The following CCDC18 variants were observed in gnomAD, a reference collection of about 807,000 sequenced individuals.
CCDC18 encodes coiled-coil domain-containing protein 18.
In CCDC18, 157 loss-of-function variants were observed where a neutral mutation model predicts 196.0. The observed-to-expected ratio is 0.80, with a 90% CI of 0.70 to 0.91. The LOEUF is 0.91. CCDC18 is among the 40% of genes least tolerant of loss of function. The probability of loss-of-function intolerance (pLI) is 0.00; values close to 1 mark genes in which losing one functional copy is unlikely to be tolerated. For missense variants in CCDC18, 1,465 were observed against 1,611.6 expected (o/e 0.91, Z 1.56); for synonymous variants, 482 against 529.2 (o/e 0.91, Z 1.22).
At chr1:93,271,083 T>TA in intron 28 of CCDC18, 4 of 983,040 alleles carry the variant, frequency 4.1e-6, no homozygotes, top group Non-Finnish European at 4.8e-6. Context: ...TGCTTAAAAA[T>TA]AAAAAAATTA....
intron 9 of CCDC18, among the ~76,000 whole-genome samples, chr1:93,207,975 G>A (rs1654975973): frequency 6.6e-6 from 1 of 150,958 alleles, no homozygotes. Context: ...TTGCTAAATA[G>A]TATTTCATTA....
rs534578701 is a variant in CCDC18, at chr1:93,261,945, G to A, written c.3685-2756G>A. ...TTAACTCACAGTTTCACATGGCTGG[G>A]GACACCTCGGGAAACTTACAATCAT... On this transcript the variant is annotated intron_variant, in intron 26 of 28. Transcript: ENST00000690025. Among the ~76,000 whole-genome samples the A allele has an allele frequency of 3.9e-5, 6 of 152,144 alleles. No individual in the cohort carries two copies. In the East Asian group the frequency reaches 1.2e-3, roughly 29 times the overall value.
intron 1 of CCDC18, 124 bp from the exon 2 acceptor site, chr1:93,183,236 C>A: frequency 1.5e-6 from 1 of 651,098 alleles, no homozygotes; most frequent in Non-Finnish European, 2.4e-6. Context: ...TTTTAAACCA[C>A]CATGAAAGAT....
intron 28 of CCDC18, chr1:93,271,575 C>G (rs1040390249): frequency 2.1e-6 from 2 of 972,262 alleles, no homozygotes; most frequent in Non-Finnish European, 2.4e-6. Context: ...TGGCACATGC[C>G]TGCAATCCCA....
chr1:93,252,523 T>A (rs1296865648), intron 23 of CCDC18, among the ~76,000 whole-genome samples: 1 of 151,848 alleles, frequency 6.6e-6, no homozygotes, highest in African/African-American at 2.4e-5. Context: ...TCTCAATTGA[T>A]TCCCTGCGTC....
intron 1 of CCDC18, among the ~76,000 whole-genome samples, chr1:93,181,863 C>T (rs1045075511): frequency 2.0e-4 from 31 of 152,204 alleles, no homozygotes; most frequent in African/African-American, 7.2e-4. Flanking sequence ...GATCCACCCG[C>T]CTTGACCTCC....
chr1:93,206,235 A>G (rs1274373715), intron 8 of CCDC18, among the ~76,000 whole-genome samples: 2 of 152,266 alleles, frequency 1.3e-5, no homozygotes, highest in Admixed American at 1.3e-4. Context: ...TAATTTTGCC[A>G]TACTTTCCTT....
chr1:93,231,115 C>T (rs1659176474), intron 17 of CCDC18, among the ~76,000 whole-genome samples: 1 of 151,994 alleles, frequency 6.6e-6, no homozygotes, highest in African/African-American at 2.4e-5. Context: ...AATATTTGGC[C>T]CTGAAGGCCT....
chr1:93,265,149 A>G (rs1184064544), intron 27 of CCDC18, among the ~76,000 whole-genome samples: 3 of 152,208 alleles, frequency 2.0e-5, no homozygotes, highest in Non-Finnish European at 4.4e-5. Context: ...AGAGGGTTTT[A>G]TACTTGATGT....
intron 14 of CCDC18, among the ~76,000 whole-genome samples, chr1:93,220,509 A>G (rs1657239835): frequency 6.6e-6 from 1 of 152,244 alleles, no homozygotes. Context: ...GGCAGTTGAA[A>G]GAAGAAATTA....
chr1:93,197,812 C>T (rs1178348885), intron 6 of CCDC18, among the ~76,000 whole-genome samples: 3 of 134,664 alleles, frequency 2.2e-5, no homozygotes, highest in East Asian at 2.2e-4. Context: ...AGTGCAGTGG[C>T]GCGATCTCGG....
intron 14 of CCDC18, among the ~76,000 whole-genome samples, chr1:93,221,138 AT>A (rs781133137): frequency 2.6e-5 from 4 of 152,208 alleles, no homozygotes; most frequent in Non-Finnish European, 5.9e-5. Flanking sequence ...TCCTTTGGGT[AT>A]ATACCCAGTA....
chr1:93,238,407 GT>G (rs1557673167), intron 19 of CCDC18, among the ~76,000 whole-genome samples: 1 of 152,058 alleles, frequency 6.6e-6, no homozygotes, highest in African/African-American at 2.4e-5. Flanking sequence ...TTTGCATACT[GT>G]TTCAGGGGTT....
Position 93,207,309 on chromosome 1 carries a change from C to A in CCDC18, c.1120C>A (p.Gln374Lys). 6.2e-7 allele frequency: 1 copy of A among 1,613,178 alleles called. No individual in the cohort carries two copies. The highest frequency in any genetic ancestry group is 2.2e-5 in the East Asian group (1 of 44,812). Residue 374 changes from glutamine (Q) to lysine (K), a missense_variant, in exon 9 of 29, where the codon CAG becomes AAG. Transcript: ENST00000690025. ...NRELKVRVAA[Q>K]NERLDLCQQE... The stretch of plus-strand genomic sequence containing the variant: ...AGAATTAAAGGTCCGTGTTGCAGCA[C>A]AGAATGAGCGACTAGATTTATGTCA...
chr1:93,236,475 C>T lies in CCDC18; in HGVS notation c.2603+85C>T, dbSNP rs1660086192. On this transcript the variant is annotated intron_variant, in intron 19 of 28. Coordinates refer to ENST00000690025, the MANE Select transcript of CCDC18 (RefSeq NM_001378204.1). ...TGAAATCAGATAATGTTCAGTGGAG[C>T]ATTTGCTTGAGGAATTAATGTCTCC... is the stretch of plus-strand genomic sequence containing the variant. 1.5e-5 allele frequency: 20 copies of T among 1,317,896 alleles called. 1 individual carries two copies. The highest frequency in any genetic ancestry group is 1.1e-5 in the Non-Finnish European group (11 of 962,852). 81.6% of individuals were successfully genotyped at this position (1,317,896 alleles called of 1,614,324 possible).
intron 18 of CCDC18, among the ~76,000 whole-genome samples, chr1:93,234,791 G>GTTTTGTTTTGTT (rs555096541): frequency 0.025 from 3,710 of 151,266 alleles, 134 homozygotes; most frequent in African/African-American, 0.08. Flanking sequence ...TTCTTGTTTT[G>GTTTTGTTTTGTT]TTTTGTTTTG....
At position 93,193,635 on chromosome 1, in the gene CCDC18, G is replaced by A. The variant is rs751889668; in HGVS notation, c.589G>A (p.Glu197Lys). Residue 197 changes from glutamate to lysine, a missense_variant, in exon 6 of 29, where the codon GAA becomes AAA. Physicochemically the swap from Glu to Lys is moderately conservative, Grantham distance 56 (BLOSUM62 1). Coordinates refer to ENST00000690025, the MANE Select transcript of CCDC18 (RefSeq NM_001378204.1). ...TTATAGAGAGGCAGAAAATAAGCTG[G>A]AACAGAGCCAGAAAATGGTAATTGA... ...KVLREAENKL[E>K]QSQKMVIEKE... 2.5e-6 allele frequency: 4 copies of A among 1,586,638 alleles called. No individual in the cohort carries two copies. Among genetic ancestry groups the A allele is most frequent in the East Asian group, 4.7e-5 (2 of 42,562 alleles).
At chr1:93,181,461 T>C (rs1221518911) in intron 1 of CCDC18, among the ~76,000 whole-genome samples, 1 of 152,132 alleles carries the variant, frequency 6.6e-6, no homozygotes, top group Non-Finnish European at 1.5e-5. Context: ...GATGATGTGC[T>C]TTTCTAGGTA....
At position 93,255,033 on chromosome 1, in the gene CCDC18, A is replaced by T. The variant is rs141890960; in HGVS notation, c.3342+419A>T. On this transcript the variant is annotated intron_variant, in intron 24 of 28. Transcript: ENST00000690025. ...AGTGGCTCAATCTTGGCTCACTGCA[A>T]CCTCTGCTTTCCGGGTTCCAGTGAT... 4.1e-3 allele frequency among the ~76,000 whole-genome samples: 541 copies of T among 131,604 alleles called. 2 individuals carry two copies. The highest frequency in any genetic ancestry group is 6.8e-3 in the Non-Finnish European group (447 of 65,376). The allele number at this position is 131,604 out of a possible 152,430, so 86.3% of individuals were successfully genotyped here.
Sources: gnomAD v4.1 joint callset for allele counts (sites outside exome capture counted in the v4.1 genomes callset) on GRCh38, gnomAD v4.1.1 for gene constraint, MANE v1.5 for transcripts, NCBI Gene and HGNC (gene_info 2026-07-23, HGNC 2026-07-21) for gene names.